Variants in RPS6KC1 observed in about 807,000 individuals in gnomAD.
RPS6KC1 encodes ribosomal protein S6 kinase C1, also known as inactive ribosomal protein S6 kinase delta-1.
RPS6KC1 carries 54 observed loss-of-function variants against 103.8 expected under a neutral mutation model. That is an observed-to-expected ratio of 0.52 (90% CI 0.42 to 0.65). The LOEUF (loss-of-function observed/expected upper bound fraction) is 0.65, where lower values mean the gene tolerates loss of function less well. RPS6KC1 is among the 30% of genes least tolerant of loss of function. The pLI is 0.00. For missense variants in RPS6KC1, 1,151 were observed against 1,253.8 expected (o/e 0.92, Z 1.24); for synonymous variants, 439 against 438.7 (o/e 1.00, Z -0.01).
the RPS6KC1 span, among the ~76,000 whole-genome samples, chr1:213,585,226 A>G: frequency 6.6e-6 from 1 of 152,214 alleles, no homozygotes; most frequent in Non-Finnish European, 1.5e-5. Flanking sequence ...TGATAACAGC[A>G]GTGCTACCTG....
At chr1:213,417,954 A>G in the RPS6KC1 span, among the ~76,000 whole-genome samples, 7 of 152,106 alleles carry the variant, frequency 4.6e-5, no homozygotes, top group Non-Finnish European at 1.0e-4. Context: ...TGTAGCCCCC[A>G]CAAATTCCCA....
At chr1:213,356,928 C>G in the RPS6KC1 span, among the ~76,000 whole-genome samples, 1 of 152,178 alleles carries the variant, frequency 6.6e-6, no homozygotes, top group Non-Finnish European at 1.5e-5. Flanking sequence ...ATTCTTGGAC[C>G]TGGGCACTGC....
At chr1:213,468,580 T>C in the RPS6KC1 span, among the ~76,000 whole-genome samples, 1 of 151,984 alleles carries the variant, frequency 6.6e-6, no homozygotes, top group African/African-American at 2.4e-5. Flanking sequence ...ATCAACAGAA[T>C]TGTGGTTAAT....
intron 6 of RPS6KC1, among the ~76,000 whole-genome samples, chr1:213,155,716 A>AG (rs2089809369): frequency 6.6e-6 from 1 of 152,148 alleles, no homozygotes; most frequent in South Asian, 2.1e-4. Context: ...AGTTAAAACC[A>AG]GGTACTATGA....
intron 12 of RPS6KC1, among the ~76,000 whole-genome samples, chr1:213,259,262 A>G (rs557291991): frequency 3.9e-5 from 6 of 152,340 alleles, no homozygotes; most frequent in African/African-American, 1.4e-4. Flanking sequence ...CATGTAGGTA[A>G]TAAAAAAATC....
chr1:213,088,454 C>A (rs1344776713), intron 3 of RPS6KC1, among the ~76,000 whole-genome samples: 1 of 151,974 alleles, frequency 6.6e-6, no homozygotes, highest in Non-Finnish European at 1.5e-5. Context: ...GCCTCTACCT[C>A]CGGGTTCAAG....
the RPS6KC1 span, among the ~76,000 whole-genome samples, chr1:213,289,517 T>A: frequency 7.9e-4 from 120 of 152,164 alleles, 1 homozygote; most frequent in African/African-American, 2.7e-3. Context: ...CCAAATTGAG[T>A]GGAAAGGCAC....
At chr1:213,485,563 G>A in the RPS6KC1 span, among the ~76,000 whole-genome samples, 7 of 152,144 alleles carry the variant, frequency 4.6e-5, no homozygotes, top group African/African-American at 1.7e-4. Flanking sequence ...GCATTATCTA[G>A]TGTATTACCT....
the RPS6KC1 span, among the ~76,000 whole-genome samples, chr1:213,729,898 A>G: frequency 6.6e-6 from 1 of 151,888 alleles, no homozygotes; most frequent in Non-Finnish European, 1.5e-5. Context: ...CCCAATAGTT[A>G]TTTTTCCGGA....
At chr1:213,492,651 G>A in the RPS6KC1 span, 1 of 152,232 alleles carries the variant, frequency 6.6e-6, no homozygotes, top group Non-Finnish European at 1.5e-5. Flanking sequence ...TCATATAATA[G>A]GCATCGTCAC....
intron 14 of RPS6KC1, among the ~76,000 whole-genome samples, chr1:213,263,056 C>A (rs1437911471): frequency 1.3e-5 from 2 of 152,088 alleles, no homozygotes; most frequent in Non-Finnish European, 2.9e-5. Context: ...ATTTAGGGCT[C>A]ACAGTCATTT....
chr1:213,316,445 A>G, the RPS6KC1 span, among the ~76,000 whole-genome samples: 2 of 152,244 alleles, frequency 1.3e-5, no homozygotes, highest in South Asian at 2.1e-4. Flanking sequence ...CCTAAATTAC[A>G]TTACCAAATT....
the RPS6KC1 span, among the ~76,000 whole-genome samples, chr1:213,589,508 G>C: frequency 6.6e-6 from 1 of 152,096 alleles, no homozygotes; most frequent in Non-Finnish European, 1.5e-5. Flanking sequence ...CAGGCGTGGT[G>C]GTGGGTGCCT....
the RPS6KC1 span, among the ~76,000 whole-genome samples, chr1:213,428,527 T>TTCCTTCCTTCCTTCCTTC: frequency 1.4e-4 from 16 of 114,926 alleles, no homozygotes; most frequent in African/African-American, 5.3e-4. Flanking sequence ...CCTCTTTCTC[T>TTCCTTCCTTCCTTCCTTC]CTCTCTCTCT....
At chr1:213,795,179 A>G in the RPS6KC1 span, among the ~76,000 whole-genome samples, 2 of 152,224 alleles carry the variant, frequency 1.3e-5, no homozygotes, top group South Asian at 2.1e-4. Flanking sequence ...CTGTATATCT[A>G]TCCATCCTGT....
At chr1:213,662,746 T>G in the RPS6KC1 span, among the ~76,000 whole-genome samples, 1 of 152,298 alleles carries the variant, frequency 6.6e-6, no homozygotes, top group African/African-American at 2.4e-5. Context: ...CCAACCAAAC[T>G]GGTCTATTTC....
At chr1:213,215,653 A>T (rs909285618) in intron 8 of RPS6KC1, among the ~76,000 whole-genome samples, 2 of 152,228 alleles carry the variant, frequency 1.3e-5, no homozygotes, top group African/African-American at 4.8e-5. Flanking sequence ...CCATGAAGGG[A>T]AGCCCACCAG....
chr1:213,548,176 AC>A, the RPS6KC1 span, among the ~76,000 whole-genome samples: 1 of 152,272 alleles, frequency 6.6e-6, no homozygotes, highest in African/African-American at 2.4e-5. Flanking sequence ...TGATTCAACT[AC>A]AGCTCCTTTC....
intron 8 of RPS6KC1, among the ~76,000 whole-genome samples, chr1:213,187,884 T>C (rs1416479047): frequency 6.6e-6 from 1 of 152,200 alleles, no homozygotes; most frequent in East Asian, 1.9e-4. Context: ...TCTTTACATC[T>C]AGGTAACTGC....
Sources: gnomAD v4.1 joint callset for allele counts (sites outside exome capture counted in the v4.1 genomes callset) on GRCh38, gnomAD v4.1.1 for gene constraint, MANE v1.5 for transcripts, NCBI Gene and HGNC (gene_info 2026-07-23, HGNC 2026-07-21) for gene names.